Variants in TBX18 observed in about 807,000 individuals in gnomAD.
TBX18 encodes T-box transcription factor TBX18.
Under a neutral mutation model 55.0 loss-of-function variants are expected in TBX18, and 21 were observed. That is an observed-to-expected ratio of 0.38 (90% CI 0.27 to 0.55). The LOEUF is 0.55. TBX18 is among the 20% of genes least tolerant of loss of function. The pLI, the probability that TBX18 is intolerant of heterozygous loss-of-function variation, is 0.73. For missense variants in TBX18, 840 were observed against 799.6 expected, an observed-to-expected ratio of 1.05 and a Z score of -0.61; for synonymous variants, 342 against 326.1, an observed-to-expected ratio of 1.05 and a Z score of -0.53.
At chr6:84,754,743 A>T (rs904149353) in intron 4 of TBX18, among the ~76,000 whole-genome samples, 5 of 152,198 alleles carry the variant, frequency 3.3e-5, no homozygotes, top group Admixed American at 1.3e-4. Flanking sequence ...ATTAGATGAG[A>T]TCAACATTTA....
chr6:84,749,907 C>G (rs189332669), intron 4 of TBX18, among the ~76,000 whole-genome samples: 1 of 152,258 alleles, frequency 6.6e-6, no homozygotes, highest in East Asian at 1.9e-4. Context: ...TCAGCACACT[C>G]TAAACAGATT....
At chr6:84,749,051 A>G (rs1767272339) in intron 4 of TBX18, among the ~76,000 whole-genome samples, 1 of 152,224 alleles carries the variant, frequency 6.6e-6, no homozygotes, top group Admixed American at 6.5e-5. Context: ...ATAGAAAGAT[A>G]TAAACAGTGA....
intron 3 of TBX18, among the ~76,000 whole-genome samples, chr6:84,758,224 A>G (rs1192667697): frequency 6.6e-6 from 1 of 151,914 alleles, no homozygotes; most frequent in Non-Finnish European, 1.5e-5. Context: ...TGGTCAACAT[A>G]GTGAAACCCC....
At position 84,737,418 on chromosome 6, in the gene TBX18, G is replaced by T. The variant is rs1766911777; in HGVS notation, c.1100-9C>A. ...GGAGGAACTTGCATTGCCTACAAAA[G>T]AAGTTGAAATGTAAAGAATGACTCC... On this transcript the variant is annotated splice_polypyrimidine_tract_variant and intron_variant, in intron 7 of 7. Transcript: ENST00000369663. 1.3e-6 allele frequency: 2 copies of T among 1,506,774 alleles called. No homozygotes were observed. The highest frequency in any genetic ancestry group is 1.4e-5 in the South Asian group (1 of 73,810). 93.3% of individuals were successfully genotyped at this position (1,506,774 alleles called of 1,614,324 possible). A position where few individuals can be genotyped will look rare whatever the true frequency, so the allele number is the denominator to read the frequency against.
At chr6:84,741,429 G>C (rs1562257858) in intron 6 of TBX18, 1 of 152,154 alleles carries the variant, frequency 6.6e-6, no homozygotes, top group Non-Finnish European at 1.5e-5. Context: ...CAAACCTAAG[G>C]CCTAACTGAA....
chr6:84,746,207 G>A (rs536759026), intron 5 of TBX18, among the ~76,000 whole-genome samples: 2 of 152,038 alleles, frequency 1.3e-5, no homozygotes, highest in African/African-American at 4.8e-5. Context: ...TATGCAAAGT[G>A]CACAGTTAAT....
Position 84,747,961 on chromosome 6 carries a change from C to G in TBX18, c.898G>C (p.Glu300Gln). 6.2e-7 allele frequency: 1 copy of G among 1,613,040 alleles called. No homozygotes were observed. The highest frequency in any genetic ancestry group is 8.5e-7 in the Non-Finnish European group (1 of 1,179,250). The change falls in exon 5 of 8, where the codon GAA becomes CAA. Residue 300 changes from glutamate (E) to glutamine (Q), a missense_variant. Coordinates refer to ENST00000369663, the MANE Select transcript of TBX18 (RefSeq NM_001080508.3). ...GEGVKAFSFPETVFTTVTAYQ... is the reference protein window; with the variant it reads ...GEGVKAFSFPQTVFTTVTAYQ... ...GCAGTGACGGTTGTGAAGACAGTTT[C>G]TGGAAAGGAGAATGCCTTTACTCCC...
chr6:84,743,904 C>T (rs1161296413), intron 6 of TBX18, among the ~76,000 whole-genome samples: 1 of 152,128 alleles, frequency 6.6e-6, no homozygotes, highest in African/African-American at 2.4e-5. Flanking sequence ...AATAGATAGT[C>T]GCATCATCAC....
chr6:84,732,787 T>C lies in TBX18; in HGVS notation c.*3898A>G, dbSNP rs1773838515. 1 of 151,388 alleles carries C rather than the reference T, an allele frequency of 6.6e-6. No individual in the cohort carries two copies. Among genetic ancestry groups the C allele is most frequent in the South Asian group, 2.1e-4 (1 of 4,792 alleles). 9.4% of individuals were successfully genotyped at this position (151,388 alleles called of 1,614,324 possible). On this transcript the variant is annotated 3_prime_UTR_variant, in exon 8 of 8. Coordinates refer to ENST00000369663, the MANE Select transcript of TBX18 (RefSeq NM_001080508.3). Reference sequence around the variant, plus strand: ...TTCAACAAGTTGAAAATAATACTGATAGTGTTATATTCTTTGTAAAGCCAC... The same window carrying C: ...TTCAACAAGTTGAAAATAATACTGACAGTGTTATATTCTTTGTAAAGCCAC...
intron 1 of TBX18, chr6:84,762,991 A>G: frequency 1.8e-6 from 1 of 561,696 alleles, no homozygotes; most frequent in Non-Finnish European, 3.2e-6. Context: ...AGCCCGGGAG[A>G]GGCGCGCGGG....
intron 6 of TBX18, chr6:84,741,876 A>G (rs1192556903): frequency 6.6e-6 from 1 of 152,156 alleles, no homozygotes; most frequent in Non-Finnish European, 1.5e-5. Flanking sequence ...AAAGGAAACT[A>G]ATACACAAGT....
intron 6 of TBX18, among the ~76,000 whole-genome samples, chr6:84,739,361 C>G (rs1055699674): frequency 2.0e-4 from 30 of 152,042 alleles, no homozygotes; most frequent in African/African-American, 7.2e-4. Context: ...ACATGACATA[C>G]GTATATTTTA....
intron 3 of TBX18, 40 bp from the exon 4 acceptor site, chr6:84,756,909 T>C (rs1242369009): frequency 2.5e-6 from 4 of 1,588,904 alleles, no homozygotes; most frequent in Non-Finnish European, 3.4e-6. Flanking sequence ...ACTGTTTTTA[T>C]CTTGGCATGT....
chr6:84,759,323 T>C (rs2127880962), intron 3 of TBX18, among the ~76,000 whole-genome samples: 1 of 152,290 alleles, frequency 6.6e-6, no homozygotes, highest in East Asian at 1.9e-4. Context: ...AGCGACTCCT[T>C]AAATTGTTGA....
rs971902023 is a variant in TBX18, at chr6:84,747,790, A to G, written c.939+130T>C. 4.4e-5 allele frequency: 36 copies of G among 814,616 alleles called. No homozygotes were observed. The Middle Eastern group carries it at 8.9e-4, about 20-fold the overall frequency. 50.5% of individuals were successfully genotyped at this position (814,616 alleles called of 1,614,324 possible). On this transcript the variant is annotated intron_variant, in intron 5 of 7. Transcript: ENST00000369663. ...ATGGATAAAGAACTGTTATTCATAT[A>G]TATACACTTTGAATGTCATATATGG...
rs1012415662 is a variant in TBX18, at chr6:84,733,995, G to A, written c.*2690C>T. ...ACTTGTGAAAAGCTGTTGACCTCTGGAAGGCAGCTTGTAAGGAAGCAAGTG... is the reference window on the plus strand; with the variant it reads ...ACTTGTGAAAAGCTGTTGACCTCTGAAAGGCAGCTTGTAAGGAAGCAAGTG... On this transcript the variant is annotated 3_prime_UTR_variant, in exon 8 of 8. Transcript: ENST00000369663. 2 of 152,156 alleles carry A rather than the reference G, an allele frequency of 1.3e-5. No homozygotes were observed. The highest frequency in any genetic ancestry group is 4.8e-5 in the African/African-American group (2 of 41,434). 9.4% of individuals were successfully genotyped at this position (152,156 alleles called of 1,614,324 possible).
chr6:84,756,183 G>C (rs1767480591), intron 4 of TBX18, among the ~76,000 whole-genome samples: 1 of 152,192 alleles, frequency 6.6e-6, no homozygotes, highest in Non-Finnish European at 1.5e-5. Flanking sequence ...TGTTTCAGCA[G>C]TTTTAAGAAT....
At chr6:84,760,484 G>C in intron 2 of TBX18, 128 bp from the exon 3 acceptor site, 1 of 569,218 alleles carries the variant, frequency 1.8e-6, no homozygotes. Context: ...TATTCACTTT[G>C]CCAATGTAAT....
intron 6 of TBX18, chr6:84,741,751 T>C (rs1305451203): frequency 6.6e-6 from 1 of 152,142 alleles, no homozygotes; most frequent in Non-Finnish European, 1.5e-5. Context: ...TGTTAAACTT[T>C]TTCTCATAGC....
Sources: allele counts gnomAD v4.1 joint callset (sites outside exome capture counted in the v4.1 genomes callset), GRCh38; gene constraint gnomAD v4.1.1; transcripts MANE v1.5; gene names NCBI Gene and HGNC (gene_info 2026-07-23, HGNC 2026-07-21).